The following ZPBP variants were observed in gnomAD, a reference collection of about 807,000 sequenced individuals.
The protein encoded by ZPBP is zona pellucida binding protein.
In ZPBP, 26 loss-of-function variants were observed where a neutral mutation model predicts 44.8. The observed-to-expected ratio is 0.58, with a 90% CI of 0.43 to 0.81. ZPBP has a LOEUF of 0.81. Ranked by LOEUF, ZPBP falls within the 30% of genes least tolerant of loss-of-function variation. The pLI is 0.00. For missense variants in ZPBP, 409 were observed against 434.0 expected, an observed-to-expected ratio of 0.94 and a Z score of 0.51; for synonymous variants, 174 against 153.2, an observed-to-expected ratio of 1.14 and a Z score of -1.00.
intron 7 of ZPBP, among the ~76,000 whole-genome samples, chr7:49,959,750 C>T (rs947506068): frequency 2.0e-5 from 3 of 151,974 alleles, no homozygotes; most frequent in Non-Finnish European, 4.4e-5. Flanking sequence ...TATGTTAATT[C>T]TAAAATGCAT....
chr7:50,083,724 A>G (rs925214126), intron 2 of ZPBP, among the ~76,000 whole-genome samples: 4 of 151,978 alleles, frequency 2.6e-5, no homozygotes, highest in African/African-American at 9.7e-5. Context: ...GGTACCTAAA[A>G]TCACTGGAGA....
At chr7:49,876,726 T>C (rs1285512793) in intron 2 of ZPBP, among the ~76,000 whole-genome samples, 1 of 152,194 alleles carries the variant, frequency 6.6e-6, no homozygotes, top group Non-Finnish European at 1.5e-5. Flanking sequence ...CCTGTATCTG[T>C]ATTCAATCAT....
intron 6 of ZPBP, among the ~76,000 whole-genome samples, chr7:50,006,009 T>C (rs1164337925): frequency 2.0e-5 from 3 of 151,726 alleles, no homozygotes; most frequent in Non-Finnish European, 4.4e-5. Flanking sequence ...AGCATACTAA[T>C]ATCAGAAAAA....
intron 1 of ZPBP, chr7:49,912,648 T>C (rs1053160748): frequency 6.5e-6 from 1 of 152,866 alleles, no homozygotes; most frequent in Non-Finnish European, 1.5e-5. Context: ...GATCATAAGA[T>C]ATTAGGACCA....
chr7:49,985,208 T>G (rs937551134), intron 6 of ZPBP, among the ~76,000 whole-genome samples: 3 of 152,242 alleles, frequency 2.0e-5, no homozygotes, highest in Non-Finnish European at 4.4e-5. Context: ...ACTTTGTTTT[T>G]ATTACTCTTT....
intron 7 of ZPBP, among the ~76,000 whole-genome samples, chr7:49,965,177 C>A (rs1796010901): frequency 6.6e-6 from 1 of 151,980 alleles, no homozygotes; most frequent in South Asian, 2.1e-4. Context: ...TGTGCAAAAA[C>A]AAAGGAAAGA....
chr7:49,885,803 G>A (rs957791341), intron 2 of ZPBP, among the ~76,000 whole-genome samples: 9 of 152,188 alleles, frequency 5.9e-5, no homozygotes, highest in Non-Finnish European at 5.9e-5. Flanking sequence ...CACTAGCACC[G>A]GGGACGCAGC....
At chr7:49,905,871 G>A (rs886407225) in intron 1 of ZPBP, among the ~76,000 whole-genome samples, 1 of 152,210 alleles carries the variant, frequency 6.6e-6, no homozygotes, top group Non-Finnish European at 1.5e-5. Context: ...AGATGGCCAT[G>A]AGAGTGACCT....
At chr7:49,964,981 A>G (rs147477231) in intron 7 of ZPBP, among the ~76,000 whole-genome samples, 3 of 152,256 alleles carry the variant, frequency 2.0e-5, no homozygotes, top group East Asian at 3.9e-4. Flanking sequence ...AGGGCTGAGA[A>G]TAGTCCATGC....
chr7:49,943,603 G>T, intron 7 of ZPBP: 1 of 356,002 alleles, frequency 2.8e-6, no homozygotes, highest in South Asian at 2.6e-5. Context: ...AGCAAGTGTT[G>T]GCTAATCCAA....
At chr7:49,907,990 A>G (rs1475310338) in intron 1 of ZPBP, among the ~76,000 whole-genome samples, 1 of 152,178 alleles carries the variant, frequency 6.6e-6, no homozygotes, top group Non-Finnish European at 1.5e-5. Flanking sequence ...CTGGAAAGGG[A>G]AGGGGATTGT....
intron 2 of ZPBP, among the ~76,000 whole-genome samples, chr7:49,892,973 A>C (rs1367741275): frequency 1.3e-5 from 2 of 152,128 alleles, no homozygotes; most frequent in African/African-American, 4.8e-5. Context: ...TTGTTTAATG[A>C]AGCCTGTCCC....
In ZPBP at chr7:50,066,921, C is replaced by T. The variant is rs111487846; in HGVS notation, c.335-8780G>A. Among the ~76,000 whole-genome samples the T allele has an allele frequency of 1.2e-4, 19 of 152,206 alleles. 1 individual carries two copies. Among genetic ancestry groups the T allele is most frequent in the Middle Eastern group, 3.4e-3 (1 of 294 alleles). On this transcript the variant is annotated intron_variant, in intron 3 of 7. Coordinates refer to ENST00000046087, the MANE Select transcript of ZPBP (RefSeq NM_007009.3). ...TGTTGGCTAATCCACTGGTCGTCGTCGGGAGTCACTACTGCCGCTGATTTT... is the reference window on the plus strand; with the variant it reads ...TGTTGGCTAATCCACTGGTCGTCGTTGGGAGTCACTACTGCCGCTGATTTT...
chr7:49,981,497 T>C lies in ZPBP; in HGVS notation c.961+1845A>G, dbSNP rs1343123756. Among the ~76,000 whole-genome samples, 14 of 74,640 alleles carry C rather than the reference T, an allele frequency of 1.9e-4. No homozygotes were observed. The South Asian group carries it at 5.6e-3, about 30-fold the overall frequency. 49.0% of individuals were successfully genotyped at this position (74,640 alleles called of 152,430 possible). ...TATATATAATATATATTATATATAA[T>C]ATAAATTATATATGGTATATTATAT... is the stretch of plus-strand genomic sequence containing the variant. On this transcript the variant is annotated intron_variant, in intron 7 of 7. Coordinates refer to ENST00000046087, the MANE Select transcript of ZPBP (RefSeq NM_007009.3).
At position 49,978,090 on chromosome 7, in the gene ZPBP, T is replaced by G. The variant is rs1363403390; in HGVS notation, c.961+5252A>C. Among the ~76,000 whole-genome samples, 14 of 151,230 alleles carry G rather than the reference T, an allele frequency of 9.3e-5. No homozygotes were observed. In the East Asian group the frequency reaches 2.7e-3, roughly 29 times the overall value. ...TTGTTTTTGGTTTTTTGTTTTTTTT[T>G]TTTTGAAAAACTAGCAGAAATAACA... On this transcript the variant is annotated intron_variant, in intron 7 of 7. Transcript: ENST00000046087.
intron 6 of ZPBP, among the ~76,000 whole-genome samples, chr7:50,005,567 T>G (rs6583411): frequency 0.51 from 76,707 of 151,732 alleles, 20,273 homozygotes; most frequent in East Asian, 0.67. Flanking sequence ...AATGGATTGT[T>G]ATAACTTTAA....
At chr7:49,949,052 G>A (rs960217238) in intron 7 of ZPBP, among the ~76,000 whole-genome samples, 10 of 152,064 alleles carry the variant, frequency 6.6e-5, no homozygotes, top group African/African-American at 2.2e-4. Context: ...TATCTGATAA[G>A]ATTAATCTCC....
intron 6 of ZPBP, among the ~76,000 whole-genome samples, chr7:50,009,167 G>A (rs1798451544): frequency 6.6e-6 from 1 of 151,142 alleles, no homozygotes; most frequent in African/African-American, 2.4e-5. Flanking sequence ...AACCTGCTAG[G>A]TGGAGGTTGC....
At chr7:49,914,266 C>T (rs575357176) in intron 1 of ZPBP, 2 of 152,340 alleles carry the variant, frequency 1.3e-5, no homozygotes, top group South Asian at 4.1e-4. Context: ...AATAATAATT[C>T]CTACCAGAAT....
Sources: gnomAD v4.1 joint callset for allele counts (sites outside exome capture counted in the v4.1 genomes callset) on GRCh38, gnomAD v4.1.1 for gene constraint, MANE v1.5 for transcripts, NCBI Gene and HGNC (gene_info 2026-07-23, HGNC 2026-07-21) for gene names.